The following SELENON variants were observed in gnomAD, a reference collection of about 807,000 sequenced individuals.
The protein encoded by SELENON is selenoprotein N.
A neutral mutation model predicts 59.5 loss-of-function variants in SELENON; 44 were observed. The ratio of observed to expected loss-of-function variants is 0.74; its 90% CI spans 0.58 to 0.95. The LOEUF is 0.95. Among genes scored for constraint, SELENON ranks in the 40% least tolerant of loss-of-function variants. SELENON has a pLI of 0.00. For missense variants in SELENON, 674 were observed against 721.4 expected (o/e 0.93, Z 0.75); for synonymous variants, 320 against 305.6 (o/e 1.05, Z -0.49).
intron 10 of SELENON, chr1:25,813,677 C>T (rs567378984): frequency 1.6e-6 from 1 of 641,392 alleles, no homozygotes; most frequent in Non-Finnish European, 2.9e-6. Context: ...GAACCCCTAA[C>T]CCTAATCTCA....
At chr1:25,815,131 C>T (rs1020454335) in intron 12 of SELENON, among the ~76,000 whole-genome samples, 5 of 152,100 alleles carry the variant, frequency 3.3e-5, no homozygotes, top group Non-Finnish European at 5.9e-5. Context: ...GACACAGCCC[C>T]GTGCTGAAGG....
chr1:25,806,584 C>G (rs375912261), intron 4 of SELENON, among the ~76,000 whole-genome samples: 10 of 152,112 alleles, frequency 6.6e-5, no homozygotes, highest in African/African-American at 2.2e-4. Flanking sequence ...CAGATGGGGA[C>G]TGTAGGCGGG....
chr1:25,815,432 T>C (rs1050320571), intron 12 of SELENON, 116 bp from the exon 12 acceptor site: 42 of 889,456 alleles, frequency 4.7e-5, no homozygotes, highest in Non-Finnish European at 7.0e-5. Flanking sequence ...ACCATCCACC[T>C]CAGACAAGGA....
At chr1:25,802,986 A>G (rs2047872876) in intron 3 of SELENON, among the ~76,000 whole-genome samples, 1 of 152,182 alleles carries the variant, frequency 6.6e-6, no homozygotes, top group Admixed American at 6.5e-5. Flanking sequence ...TGTATTGTGT[A>G]GGTTGGTTCC....
At chr1:25,809,550 C>T (rs1019985904) in intron 6 of SELENON, 133 bp from the exon 6 acceptor site, 33 of 1,285,090 alleles carry the variant, frequency 2.6e-5, no homozygotes, top group Non-Finnish European at 3.5e-5. Flanking sequence ...TGGAGAGCCT[C>T]GCTGCTGCCC....
chr1:25,800,646 A>AG, intron 1 of SELENON, among the ~76,000 whole-genome samples: 1 of 151,246 alleles, frequency 6.6e-6, no homozygotes, highest in Non-Finnish European at 1.5e-5. Flanking sequence ...GACAGACTGG[A>AG]GGGGTCTCTA....
chr1:25,815,508 C>G (rs774051108), intron 12 of SELENON, 40 bp from the exon 12 acceptor site: 1 of 1,600,728 alleles, frequency 6.2e-7, no homozygotes, highest in Non-Finnish European at 8.6e-7. Flanking sequence ...GCCTGGGGGC[C>G]CCCCTCCGCC....
rs2124445784 is a variant in SELENON, at chr1:25,807,915, T to A, written c.538-665T>A. Among the ~76,000 whole-genome samples the A allele has an allele frequency of 6.6e-6, 1 of 152,300 alleles. No homozygotes were observed. Among genetic ancestry groups the A allele is most frequent in the East Asian group, 1.9e-4 (1 of 5,176 alleles). On this transcript the variant is annotated intron_variant, in intron 4 of 12. Transcript: ENST00000361547. The surrounding 1 kb of genome is among the most constrained non-coding windows in gnomAD (Gnocchi z 4.5). ...TGAGGACTCGGGCTTAGGGAAGGCC[T>A]TTTGCCCAGGGTGGGGCAGGCTGTA...
intron 3 of SELENON, 34 bp from the exon 3 acceptor site, chr1:25,805,108 A>G (rs1452303777): frequency 6.2e-7 from 1 of 1,611,750 alleles, no homozygotes; most frequent in African/African-American, 1.3e-5. Flanking sequence ...CTGTAGCATA[A>G]GGGCAGTGCC....
Position 25,807,890 on chromosome 1 carries a change from T to A in SELENON, c.538-690T>A, listed in dbSNP as rs952916931. ...AGACAGAGGCGAGGCAGGTCACCGA[T>A]GAGGACTCGGGCTTAGGGAAGGCCT... On this transcript the variant is annotated intron_variant, in intron 4 of 12. Transcript: ENST00000361547. This position sits in a 1 kb window ranked among gnomAD's most constrained non-coding sequence, Gnocchi z 4.5. Among the ~76,000 whole-genome samples the A allele has an allele frequency of 1.9e-4, 29 of 152,294 alleles. No individual in the cohort carries two copies. Among genetic ancestry groups the A allele is most frequent in the African/African-American group, 7.0e-4 (29 of 41,560 alleles).
intron 10 of SELENON, among the ~76,000 whole-genome samples, chr1:25,813,026 T>G (rs2047980183): frequency 6.6e-6 from 1 of 152,172 alleles, no homozygotes; most frequent in South Asian, 2.1e-4. Flanking sequence ...CATTGTCAGC[T>G]TGGTAACCTT....
At chr1:25,802,528 G>C (rs758139306) in intron 3 of SELENON, among the ~76,000 whole-genome samples, 1 of 151,878 alleles carries the variant, frequency 6.6e-6, no homozygotes, top group African/African-American at 2.4e-5. Flanking sequence ...GGCTGATTTT[G>C]TATTTTTAGT....
intron 12 of SELENON, among the ~76,000 whole-genome samples, chr1:25,815,011 G>T (rs2047998165): frequency 6.6e-6 from 1 of 151,584 alleles, no homozygotes; most frequent in African/African-American, 2.4e-5. Flanking sequence ...GATGAGGCTG[G>T]GCCTGGTTGG....
intron 6 of SELENON, 121 bp downstream of exon 5, chr1:25,809,271 A>C: frequency 1.4e-6 from 2 of 1,471,302 alleles, no homozygotes; most frequent in Non-Finnish European, 1.9e-6. Flanking sequence ...GTCTTGGGCA[A>C]GCAGCTTTGG....
chr1:25,809,584 C>G (rs966858997), intron 6 of SELENON, 99 bp from the exon 6 acceptor site: 2 of 1,558,596 alleles, frequency 1.3e-6, no homozygotes, highest in East Asian at 4.5e-5. Flanking sequence ...CCTCCACCCC[C>G]ACACTCAGCC....
chr1:25,809,898 C>G, intron 7 of SELENON, 78 bp downstream of exon 6: 2 of 1,538,028 alleles, frequency 1.3e-6, no homozygotes, highest in South Asian at 1.1e-5. Flanking sequence ...GCCTAGGGGC[C>G]TCTTCTGTCT....
Position 25,807,590 on chromosome 1 carries a change from G to T in SELENON, c.538-990G>T, listed in dbSNP as rs934798343. Among the ~76,000 whole-genome samples the T allele has an allele frequency of 6.6e-6, 1 of 152,210 alleles. No individual in the cohort carries two copies. The highest frequency in any genetic ancestry group is 2.1e-4 in the South Asian group (1 of 4,838). On this transcript the variant is annotated intron_variant, in intron 4 of 12. Coordinates refer to ENST00000361547, the MANE Select transcript of SELENON (RefSeq NM_020451.3). The surrounding 1 kb of genome is among the most constrained non-coding windows in gnomAD (Gnocchi z 4.5). Reference sequence around the variant, plus strand: ...CCCAGCAAGCCCAGCACCCATCGCTGGCAGGTCCCCTGCAGGGGGTGGCAA... The same window carrying T: ...CCCAGCAAGCCCAGCACCCATCGCTTGCAGGTCCCCTGCAGGGGGTGGCAA...
In SELENON at chr1:25,812,675, G is replaced by A. The variant is rs2124452801; in HGVS notation, c.1282-12G>A. On this transcript the variant is annotated splice_polypyrimidine_tract_variant and intron_variant, in intron 9 of 12. Transcript: ENST00000361547. ...TTGATGATGGCTTCGCTCTGTCTCG[G>A]TGTGGCCCCAGGTCTCCTACTTGCC... 1 of 1,605,340 alleles carries A rather than the reference G, an allele frequency of 6.2e-7. No homozygotes were observed. The highest frequency in any genetic ancestry group is 8.5e-7 in the Non-Finnish European group (1 of 1,176,814).
rs772476061 is a variant in SELENON, at chr1:25,812,556, TACACACAA to T, written c.1282-123_1282-116del. ...AGACATACACACAAATATATATGCC[TACACACAA>T]ACACACACACACACACACACACACA... On this transcript the variant is annotated intron_variant, in intron 9 of 12. Coordinates refer to ENST00000361547, the MANE Select transcript of SELENON (RefSeq NM_020451.3). The T allele has an allele frequency of 5.3e-3, 2,786 of 526,484 alleles. 6 individuals are homozygous for T. The highest frequency in any genetic ancestry group is 0.011 in the African/African-American group (448 of 40,328). 32.6% of individuals were successfully genotyped at this position (526,484 alleles called of 1,614,324 possible).
Sources: gnomAD v4.1 joint callset for allele counts (sites outside exome capture counted in the v4.1 genomes callset) on GRCh38, gnomAD v4.1.1 for gene constraint, Gnocchi (gnomAD v3.1) non-coding constraint, MANE v1.5 for transcripts, NCBI Gene and HGNC (gene_info 2026-07-23, HGNC 2026-07-21) for gene names.